The following CSNK1G1 variants were observed in gnomAD, a reference collection of about 807,000 sequenced individuals.
CSNK1G1 encodes casein kinase I isoform gamma-1.
Under a neutral mutation model 59.6 loss-of-function variants are expected in CSNK1G1, and 22 were observed. The observed-to-expected ratio is 0.37, with a 90% CI of 0.26 to 0.53. The LOEUF (loss-of-function observed/expected upper bound fraction) is 0.53, where lower values mean the gene tolerates loss of function less well. CSNK1G1 is among the 20% of genes least tolerant of loss of function. CSNK1G1 has a pLI of 0.89. For missense variants in CSNK1G1, 384 were observed against 519.5 expected (o/e 0.74, Z 2.54); for synonymous variants, 179 against 177.1 (o/e 1.01, Z -0.08).
rs941937181 is a variant in CSNK1G1, at chr15:64,216,923, C to T, written c.293-210G>A. Among the ~76,000 whole-genome samples the T allele has an allele frequency of 6.6e-6, 1 of 152,190 alleles. No homozygotes were observed. Among genetic ancestry groups the T allele is most frequent in the Non-Finnish European group, 1.5e-5 (1 of 68,042 alleles). ...GGAAAGGCTAAGTCATTGCACAATA[C>T]GTTCAAATGAGTAGTTATTTAATAC... On this transcript the variant is annotated intron_variant, in intron 4 of 11. Transcript: ENST00000303052. This position sits in a 1 kb window ranked among gnomAD's most constrained non-coding sequence, Gnocchi z 4.6.
chr15:64,232,394 T>C (rs1458690344), intron 4 of CSNK1G1, among the ~76,000 whole-genome samples: 1 of 152,232 alleles, frequency 6.6e-6, no homozygotes, highest in African/African-American at 2.4e-5. Flanking sequence ...TATCTTTAAA[T>C]AGTTTGTTAC....
At chr15:64,224,416 T>C (rs2082429965) in intron 4 of CSNK1G1, among the ~76,000 whole-genome samples, 1 of 152,026 alleles carries the variant, frequency 6.6e-6, no homozygotes, top group Non-Finnish European at 1.5e-5. Context: ...CCATTGTAAG[T>C]AACGAAAGGG....
intron 2 of CSNK1G1, among the ~76,000 whole-genome samples, chr15:64,260,740 A>G (rs1038953695): frequency 3.9e-5 from 6 of 152,158 alleles, no homozygotes; most frequent in African/African-American, 9.7e-5. Context: ...TCCATCTCAT[A>G]AATAAACAAA....
At chr15:64,283,040 A>T (rs1894226367) in intron 2 of CSNK1G1, among the ~76,000 whole-genome samples, 1 of 152,200 alleles carries the variant, frequency 6.6e-6, no homozygotes, top group South Asian at 2.1e-4. Context: ...GGGATAAAAG[A>T]CTACAGATAG....
In CSNK1G1 at chr15:64,188,342, AG is replaced by A; in HGVS notation, c.1108-7889del. On this transcript the variant is annotated intron_variant, in intron 10 of 11. Transcript: ENST00000303052. The surrounding 1 kb of genome is among the most constrained non-coding windows in gnomAD (Gnocchi z 4.2). The stretch of plus-strand genomic sequence containing the variant: ...CAACATTCCACCAGCCAAGCTGGAA[AG>A]GCCAGGAAAAGGCAATAAAGGCAGT... The A allele has an allele frequency of 6.8e-7, 1 of 1,480,154 alleles. No homozygotes were observed. The highest frequency in any genetic ancestry group is 9.1e-7 in the Non-Finnish European group (1 of 1,100,012). 91.7% of individuals were successfully genotyped at this position (1,480,154 alleles called of 1,614,324 possible). A position where few individuals can be genotyped will look rare whatever the true frequency, so the allele number is the denominator to read the frequency against.
intron 10 of CSNK1G1, among the ~76,000 whole-genome samples, chr15:64,182,437 G>A (rs1031075084): frequency 6.6e-6 from 1 of 152,008 alleles, no homozygotes; most frequent in Non-Finnish European, 1.5e-5. Context: ...AGATTAAAAC[G>A]GATTAAAAGA....
intron 3 of CSNK1G1, among the ~76,000 whole-genome samples, chr15:64,254,540 T>C (rs1236242577): frequency 6.6e-6 from 1 of 151,924 alleles, no homozygotes; most frequent in Non-Finnish European, 1.5e-5. Flanking sequence ...TTAGTAGAGA[T>C]GGGGTTTCTG....
chr15:64,180,003 T>C (rs1393055547), intron 11 of CSNK1G1: 2 of 199,996 alleles, frequency 1.0e-5, no homozygotes, highest in Non-Finnish European at 2.1e-5. Flanking sequence ...GCATGGCCCA[T>C]GGTTTAACAG....
In CSNK1G1 at chr15:64,210,115, G is replaced by A. The variant is rs1244424848; in HGVS notation, c.680-2521C>T. Among the ~76,000 whole-genome samples, 1 of 151,984 alleles carries A rather than the reference G, an allele frequency of 6.6e-6. No homozygotes were observed. The highest frequency in any genetic ancestry group is 1.5e-5 in the Non-Finnish European group (1 of 67,992). On this transcript the variant is annotated intron_variant, in intron 6 of 11. Coordinates refer to ENST00000303052, the MANE Select transcript of CSNK1G1 (RefSeq NM_022048.5). This position sits in a 1 kb window ranked among gnomAD's most constrained non-coding sequence, Gnocchi z 4.2. Reference sequence around the variant, plus strand: ...AATAAGGGTTCCTAAATCAGGAAGGGTACCTAAATAAGGTACCCAAAATAA... The same window carrying A: ...AATAAGGGTTCCTAAATCAGGAAGGATACCTAAATAAGGTACCCAAAATAA...
At chr15:64,277,560 A>C (rs1381845619) in intron 2 of CSNK1G1, among the ~76,000 whole-genome samples, 3 of 145,830 alleles carry the variant, frequency 2.1e-5, no homozygotes, top group Non-Finnish European at 4.5e-5. Context: ...TAAAATAATA[A>C]AATTTAATAT....
Position 64,240,556 on chromosome 15 carries a change from A to G in CSNK1G1, c.292+10956T>C, listed in dbSNP as rs550267325. Among the ~76,000 whole-genome samples, 28 of 152,250 alleles carry G rather than the reference A, an allele frequency of 1.8e-4. No homozygotes were observed. The East Asian group carries it at 5.2e-3, about 28-fold the overall frequency. ...TAAAAACAGCAAGAAAAAAGAGTCA[A>G]GAAAATTATAAGGGAGTAACAGCAG... On this transcript the variant is annotated intron_variant, in intron 4 of 11. Coordinates refer to ENST00000303052, the MANE Select transcript of CSNK1G1 (RefSeq NM_022048.5).
chr15:64,198,192 C>CTTTTT (rs893282431), intron 10 of CSNK1G1, among the ~76,000 whole-genome samples: 1 of 110,590 alleles, frequency 9.0e-6, no homozygotes, highest in Non-Finnish European at 1.8e-5. Flanking sequence ...ACAGGATATA[C>CTTTTT]TTTTTTTTTT....
chr15:64,201,705 CATGTGTGTGT>C (rs1354451096), intron 10 of CSNK1G1, among the ~76,000 whole-genome samples: 8 of 104,140 alleles, frequency 7.7e-5, no homozygotes, highest in African/African-American at 2.8e-4. Flanking sequence ...CTCCATTGGA[CATGTGTGTGT>C]GTGTGTGTGT....
intron 11 of CSNK1G1, among the ~76,000 whole-genome samples, chr15:64,179,807 G>T (rs1390165255): frequency 6.6e-6 from 1 of 152,182 alleles, no homozygotes; most frequent in African/African-American, 2.4e-5. Context: ...ACCCTCCTGA[G>T]ATGAGTATGA....
chr15:64,335,678 A>G (rs1897353013), intron 1 of CSNK1G1: 1 of 152,198 alleles, frequency 6.6e-6, no homozygotes, highest in Non-Finnish European at 1.5e-5. Context: ...ACCCTATCAC[A>G]AGCTTAGTAG....
intron 10 of CSNK1G1, among the ~76,000 whole-genome samples, chr15:64,185,862 GA>G (rs375409365): frequency 2.7e-3 from 221 of 82,796 alleles, no homozygotes; most frequent in East Asian, 6.1e-3. Flanking sequence ...ACTCCATCTC[GA>G]AAAAAAAAAA....
At chr15:64,183,832 T>A (rs905091843) in intron 10 of CSNK1G1, among the ~76,000 whole-genome samples, 1 of 149,982 alleles carries the variant, frequency 6.7e-6, no homozygotes, top group African/African-American at 2.5e-5. Context: ...ACCTCCCGAG[T>A]TCAAGCGATT....
At chr15:64,355,546 C>G (rs1276669239) in intron 1 of CSNK1G1, among the ~76,000 whole-genome samples, 3 of 152,204 alleles carry the variant, frequency 2.0e-5, no homozygotes, top group Non-Finnish European at 4.4e-5. Context: ...CCAGTCGACT[C>G]AGAACCCCCA....
rs143034835 is a variant in CSNK1G1, at chr15:64,294,467, G to A, written c.181+5852C>T. 3.9e-4 allele frequency among the ~76,000 whole-genome samples: 59 copies of A among 151,966 alleles called. No individual in the cohort carries two copies. The East Asian group carries it at 7.2e-3, about 18-fold the overall frequency. On this transcript the variant is annotated intron_variant, in intron 2 of 11. Coordinates refer to ENST00000303052, the MANE Select transcript of CSNK1G1 (RefSeq NM_022048.5). ...GTAGAAAATTAAACCATCATTACTGGTTATCTCCACAGACACCTCTAAAGT... is the reference window on the plus strand; with the variant it reads ...GTAGAAAATTAAACCATCATTACTGATTATCTCCACAGACACCTCTAAAGT...
Sources: gnomAD v4.1 joint callset for allele counts (sites outside exome capture counted in the v4.1 genomes callset) on GRCh38, gnomAD v4.1.1 for gene constraint, Gnocchi (gnomAD v3.1) non-coding constraint, MANE v1.5 for transcripts, NCBI Gene and HGNC (gene_info 2026-07-23, HGNC 2026-07-21) for gene names.